SETBP1: variants seen among roughly 807,000 people sequenced by gnomAD.
SETBP1 encodes SET binding protein 1, also known as SET-binding protein.
SETBP1 carries 9 observed loss-of-function variants against 101.0 expected under a neutral mutation model. That is an observed-to-expected ratio of 0.09 (90% CI 0.05 to 0.16). The LOEUF is 0.16. Ranked by LOEUF, SETBP1 falls within the 10% of genes least tolerant of loss-of-function variation. SETBP1 has a pLI of 1.00. For missense variants in SETBP1, 1,858 were observed against 2,033.8 expected (o/e 0.91, Z 1.66); for synonymous variants, 818 against 788.5 (o/e 1.04, Z -0.63).
chr18:45,049,144 G>A (rs2073678546), intron 5 of SETBP1, among the ~76,000 whole-genome samples: 2 of 152,124 alleles, frequency 1.3e-5, no homozygotes, highest in African/African-American at 4.8e-5. Flanking sequence ...CTATTATTCA[G>A]CAATTGGTTG....
chr18:44,817,207 G>A (rs1466036404), intron 2 of SETBP1, among the ~76,000 whole-genome samples: 3 of 152,208 alleles, frequency 2.0e-5, no homozygotes, highest in Admixed American at 6.5e-5. Context: ...TAACAGAAGA[G>A]CGTTACTTTT....
intron 5 of SETBP1, among the ~76,000 whole-genome samples, chr18:45,041,218 CT>C (rs2073501785): frequency 6.6e-6 from 1 of 152,296 alleles, no homozygotes; most frequent in African/African-American, 2.4e-5. Context: ...TAAATATGGA[CT>C]TCTACTTCTT....
chr18:44,767,805 T>C (rs971333130), intron 2 of SETBP1, among the ~76,000 whole-genome samples: 1 of 152,184 alleles, frequency 6.6e-6, no homozygotes, highest in Non-Finnish European at 1.5e-5. Flanking sequence ...TAAAACGAAA[T>C]AGACGTTTCA....
At chr18:44,755,384 G>T (rs570858214) in intron 2 of SETBP1, among the ~76,000 whole-genome samples, 1 of 152,262 alleles carries the variant, frequency 6.6e-6, no homozygotes, top group South Asian at 2.1e-4. Flanking sequence ...TAAATGTGAG[G>T]CATCATCCAA....
At chr18:44,853,897 A>G (rs1052183362) in intron 2 of SETBP1, among the ~76,000 whole-genome samples, 5 of 152,200 alleles carry the variant, frequency 3.3e-5, no homozygotes, top group South Asian at 2.1e-4. Flanking sequence ...AGCAACTTCT[A>G]CTCATCCTTT....
At chr18:44,925,209 A>G (rs190605941) in intron 3 of SETBP1, among the ~76,000 whole-genome samples, 32 of 151,780 alleles carry the variant, frequency 2.1e-4, no homozygotes, top group African/African-American at 7.5e-4. Context: ...ATCTCCAAAA[A>G]TGTATGTTTT....
intron 4 of SETBP1, among the ~76,000 whole-genome samples, chr18:45,004,104 G>A (rs990198702): frequency 9.9e-5 from 15 of 152,214 alleles, no homozygotes; most frequent in African/African-American, 2.9e-4. Context: ...AATGTCAGGC[G>A]TGCTGAAGTG....
intron 2 of SETBP1, among the ~76,000 whole-genome samples, chr18:44,743,002 A>C (rs1156453799): frequency 2.7e-4 from 28 of 102,266 alleles, no homozygotes; most frequent in Admixed American, 5.9e-4. Context: ...TTTCTGTCTC[A>C]CTCCCTTCCT....
At chr18:44,735,808 T>C (rs758804778) in intron 2 of SETBP1, among the ~76,000 whole-genome samples, 10 of 152,218 alleles carry the variant, frequency 6.6e-5, no homozygotes, top group Admixed American at 2.0e-4. Context: ...GTATAAGATA[T>C]TTCTTACCTG....
At chr18:45,039,185 T>C (rs2073460035) in intron 5 of SETBP1, among the ~76,000 whole-genome samples, 1 of 152,190 alleles carries the variant, frequency 6.6e-6, no homozygotes, top group South Asian at 2.1e-4. Flanking sequence ...GATGCATCGG[T>C]ACCTTCTACC....
At chr18:44,875,520 T>A (rs1279107530) in intron 3 of SETBP1, among the ~76,000 whole-genome samples, 1 of 82,008 alleles carries the variant, frequency 1.2e-5, no homozygotes, top group Non-Finnish European at 2.1e-5. Context: ...AGAGCAAGAC[T>A]CCATCTCAAA....
At chr18:44,873,516 G>A (rs1471414812) in intron 3 of SETBP1, among the ~76,000 whole-genome samples, 5 of 152,088 alleles carry the variant, frequency 3.3e-5, no homozygotes, top group African/African-American at 7.2e-5. Flanking sequence ...AGGTCGTCCC[G>A]GCAGAGGTGG....
intron 2 of SETBP1, among the ~76,000 whole-genome samples, chr18:44,839,530 A>G (rs943103216): frequency 1.3e-5 from 2 of 152,240 alleles, no homozygotes; most frequent in Non-Finnish European, 2.9e-5. Flanking sequence ...GCCCTCTGCT[A>G]TGAATCTTCC....
intron 4 of SETBP1, among the ~76,000 whole-genome samples, chr18:45,037,073 G>T (rs1452400213): frequency 3.3e-5 from 5 of 152,236 alleles, no homozygotes; most frequent in Non-Finnish European, 7.3e-5. Context: ...ACTATGTGAG[G>T]TAGTGTTACT....
At chr18:44,817,832 A>G (rs2072016478) in intron 2 of SETBP1, among the ~76,000 whole-genome samples, 1 of 152,208 alleles carries the variant, frequency 6.6e-6, no homozygotes. Flanking sequence ...GAGGTGCACC[A>G]TGACTGCACT....
intron 2 of SETBP1, among the ~76,000 whole-genome samples, chr18:44,735,713 A>C (rs1848307506): frequency 6.6e-6 from 1 of 152,208 alleles, no homozygotes; most frequent in Non-Finnish European, 1.5e-5. Context: ...CTAGATCAAA[A>C]CTGTAAGGAT....
intron 4 of SETBP1, among the ~76,000 whole-genome samples, chr18:45,022,821 C>A (rs1273300453): frequency 6.6e-6 from 1 of 152,236 alleles, no homozygotes; most frequent in Non-Finnish European, 1.5e-5. Context: ...CAGAGCGAGA[C>A]TCCATCTCAA....
intron 2 of SETBP1, among the ~76,000 whole-genome samples, chr18:44,752,207 G>A (rs565438828): frequency 1.1e-4 from 16 of 152,258 alleles, no homozygotes; most frequent in South Asian, 6.2e-4. Context: ...TGAATTACCC[G>A]CCCAATCCAG....
chr18:44,878,969 A>G (rs577675413), intron 3 of SETBP1, among the ~76,000 whole-genome samples: 1 of 152,220 alleles, frequency 6.6e-6, no homozygotes, highest in South Asian at 2.1e-4. Context: ...TATTTCCCTG[A>G]TAGTGGCCAT....
Sources: allele counts gnomAD v4.1 joint callset (sites outside exome capture counted in the v4.1 genomes callset), GRCh38; gene constraint gnomAD v4.1.1; transcripts MANE v1.5; gene names NCBI Gene and HGNC (gene_info 2026-07-23, HGNC 2026-07-21).